Variants in FAM185A observed in about 807,000 individuals in gnomAD.
The protein encoded by FAM185A is family with sequence similarity 185 member A.
In FAM185A, 21 loss-of-function variants were observed where a neutral mutation model predicts 45.7. The observed-to-expected ratio is 0.46, with a 90% CI of 0.33 to 0.66. FAM185A has a LOEUF of 0.66. FAM185A is among the 30% of genes least tolerant of loss of function. The pLI is 0.03. For missense variants in FAM185A, 305 were observed against 485.4 expected, an observed-to-expected ratio of 0.63 and a Z score of 3.49; for synonymous variants, 117 against 194.0, an observed-to-expected ratio of 0.60 and a Z score of 3.30.
At chr7:102,765,740 T>C (rs934874842) in intron 4 of FAM185A, among the ~76,000 whole-genome samples, 6 of 152,020 alleles carry the variant, frequency 3.9e-5, no homozygotes. Context: ...ATTTGTATAG[T>C]TGGTTGAATC....
intron 6 of FAM185A, among the ~76,000 whole-genome samples, chr7:102,781,102 C>T (rs1227514234): frequency 2.0e-5 from 3 of 152,132 alleles, no homozygotes; most frequent in Admixed American, 6.5e-5. Context: ...AAGGCAGCAG[C>T]GAGGCTAGGG....
chr7:102,749,822 C>A (rs1354965984), intron 1 of FAM185A, among the ~76,000 whole-genome samples, 164 bp downstream of exon 1: 1 of 152,102 alleles, frequency 6.6e-6, no homozygotes, highest in Non-Finnish European at 1.5e-5. Context: ...CTTGAGTGTC[C>A]GAGTAGTATT....
the FAM185A span, among the ~76,000 whole-genome samples, chr7:102,830,034 C>T: frequency 6.6e-6 from 1 of 152,158 alleles, no homozygotes; most frequent in Non-Finnish European, 1.5e-5. Context: ...TATCAGCGTT[C>T]TAAAATAATT....
At chr7:102,782,991 G>A (rs992665676) in intron 6 of FAM185A, among the ~76,000 whole-genome samples, 3 of 151,374 alleles carry the variant, frequency 2.0e-5, no homozygotes, top group African/African-American at 7.3e-5. Flanking sequence ...AAAGGCAGGG[G>A]TTGCAATCCT....
intron 7 of FAM185A, among the ~76,000 whole-genome samples, chr7:102,801,176 T>TGA (rs1241696449): frequency 2.0e-5 from 3 of 152,104 alleles, no homozygotes; most frequent in African/African-American, 7.2e-5. Context: ...AAACAAATGC[T>TGA]GAGAGAATTC....
intron 7 of FAM185A, among the ~76,000 whole-genome samples, chr7:102,790,366 G>T (rs1796074657): frequency 6.6e-6 from 1 of 152,132 alleles, no homozygotes; most frequent in South Asian, 2.1e-4. Context: ...CATCATTTCT[G>T]TAGTTCATCG....
chr7:102,771,496 G>A (rs1008940425), intron 4 of FAM185A, among the ~76,000 whole-genome samples: 5 of 152,014 alleles, frequency 3.3e-5, no homozygotes, highest in Admixed American at 1.3e-4. Flanking sequence ...GCAATTAGGC[G>A]CATCTGGCTA....
At chr7:102,827,109 T>C in the FAM185A span, 23 of 453,876 alleles carry the variant, frequency 5.1e-5, no homozygotes, top group Non-Finnish European at 9.3e-5. Context: ...GCAGAAGTCA[T>C]ATTCTTCTGA....
At position 102,798,439 on chromosome 7, in the gene FAM185A, T is replaced by C. The variant is rs189005261; in HGVS notation, c.1067-9851T>C. On this transcript the variant is annotated intron_variant, in intron 7 of 7. Transcript: ENST00000413034. Reference sequence around the variant, plus strand: ...TATAAACTGTCCTCCCTTTTGAGTATTGTCTCTAAGCTGAAATTGCTTGTG... The same window carrying C: ...TATAAACTGTCCTCCCTTTTGAGTACTGTCTCTAAGCTGAAATTGCTTGTG... Among the ~76,000 whole-genome samples, 5 of 152,330 alleles carry C rather than the reference T, an allele frequency of 3.3e-5. No individual in the cohort carries two copies. The East Asian group carries it at 7.7e-4, about 23-fold the overall frequency.
intron 6 of FAM185A, among the ~76,000 whole-genome samples, chr7:102,785,252 G>T (rs1335160834): frequency 2.0e-5 from 3 of 151,566 alleles, no homozygotes; most frequent in African/African-American, 7.3e-5. Flanking sequence ...TGGCCATACT[G>T]CCCAAGGTAA....
At chr7:102,789,407 C>T (rs542645012) in intron 7 of FAM185A, among the ~76,000 whole-genome samples, 10 of 152,342 alleles carry the variant, frequency 6.6e-5, no homozygotes, top group Middle Eastern at 3.4e-3. Flanking sequence ...TATAAACTTA[C>T]ATTTTAAAAA....
chr7:102,825,379 C>T, the FAM185A span, among the ~76,000 whole-genome samples: 1 of 152,202 alleles, frequency 6.6e-6, no homozygotes, highest in East Asian at 1.9e-4. Context: ...TTAACATGCT[C>T]ATCTCCCTTG....
At chr7:102,800,747 C>T (rs570772823) in intron 7 of FAM185A, among the ~76,000 whole-genome samples, 15 of 151,986 alleles carry the variant, frequency 9.9e-5, no homozygotes, top group Non-Finnish European at 2.2e-4. Flanking sequence ...GTTAAATGAC[C>T]AAATCTAAGA....
chr7:102,845,023 C>G, the FAM185A span, among the ~76,000 whole-genome samples: 3 of 152,136 alleles, frequency 2.0e-5, no homozygotes, highest in Non-Finnish European at 4.4e-5. Flanking sequence ...GGAGTGCACC[C>G]CTCTCCTGAC....
chr7:102,755,076 G>A lies in FAM185A; in HGVS notation c.562-2778G>A, dbSNP rs1279422138. 6 of 370,022 alleles carry A rather than the reference G, an allele frequency of 1.6e-5. No individual in the cohort carries two copies. The Admixed American group carries it at 2.1e-4, about 13-fold the overall frequency. 22.9% of individuals were successfully genotyped at this position (370,022 alleles called of 1,614,324 possible). On this transcript the variant is annotated intron_variant, in intron 2 of 7. Coordinates refer to ENST00000413034, the MANE Select transcript of FAM185A (RefSeq NM_001145268.2). ...TCTATGAAATTTTACTTATAATTTT[G>A]TAAGTTCATGTGAGCTTGGTTAAGA... is the stretch of plus-strand genomic sequence containing the variant.
the FAM185A span, among the ~76,000 whole-genome samples, chr7:102,836,805 T>A: frequency 6.7e-6 from 1 of 148,170 alleles, no homozygotes; most frequent in Non-Finnish European, 1.5e-5. Context: ...GTCACAATAA[T>A]GTGCTTCTGC....
chr7:102,770,680 CTAT>C (rs1794695846), intron 4 of FAM185A, among the ~76,000 whole-genome samples: 2 of 152,022 alleles, frequency 1.3e-5, no homozygotes, highest in Non-Finnish European at 2.9e-5. Context: ...GTCAGAATGG[CTAT>C]TATTAAAAAT....
intron 5 of FAM185A, among the ~76,000 whole-genome samples, chr7:102,774,011 C>G (rs561083228): frequency 6.6e-6 from 1 of 152,098 alleles, no homozygotes; most frequent in South Asian, 2.1e-4. Flanking sequence ...CAGTCAGTTT[C>G]TACCAAAAAA....
the FAM185A span, among the ~76,000 whole-genome samples, chr7:102,816,859 T>G: frequency 8.5e-5 from 13 of 152,240 alleles, no homozygotes; most frequent in African/African-American, 3.1e-4. Flanking sequence ...ACATGCAGTA[T>G]TTGGTTTTCT....
Sources: gnomAD v4.1 joint callset for allele counts (sites outside exome capture counted in the v4.1 genomes callset) on GRCh38, gnomAD v4.1.1 for gene constraint, MANE v1.5 for transcripts, NCBI Gene and HGNC (gene_info 2026-07-23, HGNC 2026-07-21) for gene names.